Variants in HELZ observed in about 807,000 individuals in gnomAD.
The protein encoded by HELZ is helicase with zinc finger.
In HELZ, 23 loss-of-function variants were observed where a neutral mutation model predicts 218.2. The observed-to-expected ratio is 0.11, with a 90% CI of 0.08 to 0.15. HELZ has a LOEUF of 0.15. HELZ is among the 10% of genes least tolerant of loss of function. HELZ has a pLI of 1.00. For synonymous variants in HELZ, 814 were observed against 829.4 expected (o/e 0.98, Z 0.32); for missense variants, 1,813 against 2,353.7 (o/e 0.77, Z 4.75).
chr17:67,113,808 G>A (rs192340147), intron 28 of HELZ, among the ~76,000 whole-genome samples: 1 of 152,320 alleles, frequency 6.6e-6, no homozygotes, highest in East Asian at 1.9e-4. Context: ...AGCCCTGATG[G>A]TTCCATTCAA....
intron 31 of HELZ, among the ~76,000 whole-genome samples, chr17:67,102,238 G>A (rs1193601663): frequency 6.6e-6 from 1 of 152,180 alleles, no homozygotes; most frequent in African/African-American, 2.4e-5. Flanking sequence ...AGGGCAGAGA[G>A]AAATTGTTTC....
chr17:67,089,696 G>GAGAGAGAGAGAGAGAGAGAGCC (rs34752223), intron 31 of HELZ, among the ~76,000 whole-genome samples: 1 of 122,676 alleles, frequency 8.2e-6, no homozygotes, highest in Non-Finnish European at 1.7e-5. Context: ...GAGAGAGAGA[G>GAGAGAGAGAGAGAGAGAGAGCC]AGAGACAGAG....
chr17:67,194,944 C>G (rs1273841145), intron 8 of HELZ, among the ~76,000 whole-genome samples: 2 of 152,128 alleles, frequency 1.3e-5, no homozygotes, highest in Admixed American at 1.3e-4. Flanking sequence ...TTTGTGAAAG[C>G]CAATGCCCAT....
chr17:67,168,355 T>G (rs2039211377), intron 13 of HELZ, among the ~76,000 whole-genome samples: 1 of 152,164 alleles, frequency 6.6e-6, no homozygotes, highest in Non-Finnish European at 1.5e-5. Flanking sequence ...TTGAAGAATA[T>G]GCACATTCAA....
intron 32 of HELZ, among the ~76,000 whole-genome samples, chr17:67,084,411 C>T (rs916469149): frequency 4.7e-4 from 71 of 151,970 alleles, no homozygotes; most frequent in Non-Finnish European, 6.5e-4. Context: ...GCCTGTAATC[C>T]CAGCACTTTG....
chr17:67,225,644 C>T (rs1176176468), intron 3 of HELZ: 2 of 152,208 alleles, frequency 1.3e-5, no homozygotes, highest in African/African-American at 2.4e-5. Context: ...AAGCAAAAAT[C>T]CTAAGTGTCC....
intron 21 of HELZ, among the ~76,000 whole-genome samples, chr17:67,139,488 T>C (rs914902140): frequency 1.3e-5 from 2 of 152,174 alleles, no homozygotes; most frequent in Admixed American, 6.5e-5. Flanking sequence ...CACACAACCA[T>C]TTCTGCACTT....
chr17:67,244,229 C>A (rs1422745307), intron 1 of HELZ, among the ~76,000 whole-genome samples: 3 of 152,170 alleles, frequency 2.0e-5, no homozygotes, highest in African/African-American at 7.2e-5. Flanking sequence ...CAGGAATCCA[C>A]TGTCTCTGAA....
chr17:67,201,098 C>A, intron 7 of HELZ, 31 bp downstream of exon 7: 2 of 1,495,388 alleles, frequency 1.3e-6, no homozygotes, highest in South Asian at 2.3e-5. Context: ...GAGTCAAACT[C>A]TTCCAAACGG....
intron 24 of HELZ, among the ~76,000 whole-genome samples, chr17:67,126,036 C>A (rs1033553008): frequency 2.0e-5 from 3 of 152,218 alleles, no homozygotes; most frequent in Non-Finnish European, 4.4e-5. Context: ...CCACAGGGAA[C>A]TGGATTCTAC....
chr17:67,213,793 A>G (rs2040518785), intron 5 of HELZ, among the ~76,000 whole-genome samples: 1 of 152,156 alleles, frequency 6.6e-6, no homozygotes, highest in South Asian at 2.1e-4. Context: ...GCCCATCAAT[A>G]CGGGAATGGT....
At chr17:67,123,814 A>AGTGTGTGT in intron 25 of HELZ, 149 bp downstream of exon 25, 1 of 333,732 alleles carries the variant, frequency 3.0e-6, no homozygotes, top group East Asian at 7.6e-5. Flanking sequence ...TTCCAAAGTG[A>AGTGTGTGT]CTGTGTGTGT....
At chr17:67,161,097 T>C (rs2038982483) in intron 15 of HELZ, 21 bp from the exon 16 acceptor site, 1 of 1,562,666 alleles carries the variant, frequency 6.4e-7, no homozygotes, top group Non-Finnish European at 8.7e-7. Flanking sequence ...TAAAAATTTA[T>C]GTTAAACACA....
rs146239729 is a variant in HELZ, at chr17:67,161,116, G to A, written c.1896-40C>T. 6.7e-5 allele frequency: 97 copies of A among 1,449,642 alleles called. No homozygotes were observed. In the African/African-American group the frequency reaches 8.9e-4, roughly 13 times the overall value. The allele number at this position is 1,449,642 out of a possible 1,614,324, so 89.8% of individuals were successfully genotyped here. A position where few individuals can be genotyped will look rare whatever the true frequency, so the allele number is the denominator to read the frequency against. On this transcript the variant is annotated intron_variant, in intron 15 of 32. Coordinates refer to ENST00000358691, the MANE Select transcript of HELZ (RefSeq NM_014877.4). ...AATTTATGTTAAACACATGCATCTC[G>A]TTAATAAATAGAACATAACACACGA... is the stretch of plus-strand genomic sequence containing the variant.
At chr17:67,107,751 C>T in intron 30 of HELZ, 66 bp from the exon 31 acceptor site, 1 of 1,390,536 alleles carries the variant, frequency 7.2e-7, no homozygotes, top group Non-Finnish European at 9.8e-7. Context: ...AAAGCTTAGT[C>T]AACTACACAT....
At chr17:67,101,311 T>A (rs1436022996) in intron 31 of HELZ, among the ~76,000 whole-genome samples, 2 of 152,054 alleles carry the variant, frequency 1.3e-5, no homozygotes, top group Non-Finnish European at 2.9e-5. Context: ...AAAGTTATTT[T>A]AAATTTTTTT....
chr17:67,082,637 C>T (rs1006511675), intron 32 of HELZ, among the ~76,000 whole-genome samples: 3 of 151,966 alleles, frequency 2.0e-5, no homozygotes, highest in African/African-American at 7.3e-5. Context: ...TCACTTTTCC[C>T]TTTAAATGTC....
intron 31 of HELZ, among the ~76,000 whole-genome samples, chr17:67,101,738 T>C (rs2036936939): frequency 6.6e-6 from 1 of 152,174 alleles, no homozygotes; most frequent in Non-Finnish European, 1.5e-5. Context: ...GGAGCAAGTA[T>C]GATACAGTGC....
intron 31 of HELZ, among the ~76,000 whole-genome samples, chr17:67,104,159 G>GT (rs2037017333): frequency 2.0e-5 from 3 of 152,160 alleles, no homozygotes; most frequent in Admixed American, 6.5e-5. Flanking sequence ...AAGGGGCCGG[G>GT]TGCGGTGGCT....
Sources: gnomAD v4.1 joint callset for allele counts (sites outside exome capture counted in the v4.1 genomes callset) on GRCh38, gnomAD v4.1.1 for gene constraint, MANE v1.5 for transcripts, NCBI Gene and HGNC (gene_info 2026-07-23, HGNC 2026-07-21) for gene names.